Variants in MTERF4 observed in about 807,000 individuals in gnomAD.
MTERF4 encodes the protein mitochondrial transcription termination factor 4.
MTERF4 carries 17 observed loss-of-function variants against 22.5 expected under a neutral mutation model. That is an observed-to-expected ratio of 0.75 (90% CI 0.52 to 1.13). The LOEUF is 1.13. Among genes scored for constraint, MTERF4 ranks in the 50% most tolerant of loss-of-function variants. The pLI is 0.00. For missense variants in MTERF4, 420 were observed against 466.8 expected (o/e 0.90, Z 0.92); for synonymous variants, 165 against 175.3 (o/e 0.94, Z 0.47).
At chr2:241,094,344 C>T, downstream of MTERF4, 1 of 470,720 alleles carries the variant, frequency 2.1e-6, no homozygotes, top group Middle Eastern at 3.7e-4. This position sits in a 1 kb window ranked among gnomAD's most constrained non-coding sequence, Gnocchi z 4.3. Context: ...TCTGACTCAA[C>T]TGTGGCGATG....
chr2:241,048,362 G>A, the MTERF4 span: 1 of 1,611,494 alleles, frequency 6.2e-7, no homozygotes, highest in Admixed American at 1.7e-5. Context: ...TTGCCACAAT[G>A]GGGGCACCTG....
chr2:241,094,771 A>G (rs1470170028), downstream of MTERF4: 4 of 168,046 alleles, frequency 2.4e-5, no homozygotes, highest in Non-Finnish European at 5.2e-5. This position sits in a 1 kb window ranked among gnomAD's most constrained non-coding sequence, Gnocchi z 4.3. Context: ...GAATCCTACA[A>G]TCTACCAGAT....
chr2:241,091,942 T>C (rs935168282), downstream of MTERF4: 1 of 152,318 alleles, frequency 6.6e-6, no homozygotes, highest in African/African-American at 2.4e-5. This position sits in a 1 kb window ranked among gnomAD's most constrained non-coding sequence, Gnocchi z 4.1. Context: ...GCGGATGAGA[T>C]GACAGCTCGC....
At chr2:241,064,171 CCCCGCCCTCTG>C in the MTERF4 span, 11 of 1,311,452 alleles carry the variant, frequency 8.4e-6, no homozygotes, top group East Asian at 2.1e-4. This position sits in a 1 kb window ranked among gnomAD's most constrained non-coding sequence, Gnocchi z 7.0. Flanking sequence ...CCCGCCTGCT[CCCCGCCCTCTG>C]CCCGCCTGCT....
downstream of MTERF4, among the ~76,000 whole-genome samples, chr2:241,086,676 T>G (rs1273043565): frequency 6.6e-6 from 1 of 152,260 alleles, no homozygotes; most frequent in African/African-American, 2.4e-5. Context: ...ATGGAAGTCT[T>G]ACCACAGGTT....
At chr2:241,044,974 A>G in the MTERF4 span, among the ~76,000 whole-genome samples, 11 of 152,222 alleles carry the variant, frequency 7.2e-5, no homozygotes, top group Non-Finnish European at 1.0e-4. Flanking sequence ...GCAACTCCAT[A>G]AAGTTACTTA....
At chr2:241,084,134 A>ATTTT (rs368364855), downstream of MTERF4, among the ~76,000 whole-genome samples, 3,465 of 123,234 alleles carry the variant, frequency 0.028, 223 homozygotes, top group African/African-American at 0.1. Context: ...AGCGTCTAGG[A>ATTTT]TTTTTTTTTT....
At chr2:241,071,517 GCAGGGA>G, downstream of MTERF4, 9 of 1,537,962 alleles carry the variant, frequency 5.9e-6, no homozygotes, top group Non-Finnish European at 6.1e-6. Context: ...TGCCACAGGG[GCAGGGA>G]CAGGAGCAGA....
the MTERF4 span, among the ~76,000 whole-genome samples, chr2:241,056,598 T>TTTTTTTTTTA: frequency 2.0e-5 from 3 of 149,660 alleles, no homozygotes; most frequent in African/African-American, 7.4e-5. Flanking sequence ...TTTTTTTTTT[T>TTTTTTTTTTA]GAGACGGAGT....
rs199847713 is a variant in MTERF4, at chr2:241,096,652, A to G, written c.706-214T>C. On this transcript the variant is annotated intron_variant, in intron 3 of 3. Coordinates refer to ENST00000391980, the MANE Select transcript of MTERF4 (RefSeq NM_182501.4). The surrounding 1 kb of genome is among the most constrained non-coding windows in gnomAD (Gnocchi z 5.1). ...TCCTGAGAAACATGGAGCAGGAAAT[A>G]AAGGGGTGGGAGGGAAAAGGGGCAG... The G allele has an allele frequency of 4.3e-5, 30 of 703,980 alleles. No individual in the cohort carries two copies. The highest frequency in any genetic ancestry group is 7.4e-5 in the Non-Finnish European group (28 of 379,206). 43.6% of individuals were successfully genotyped at this position (703,980 alleles called of 1,614,324 possible). A position where few individuals can be genotyped will look rare whatever the true frequency, so the allele number is the denominator to read the frequency against.
rs373865004 is a variant in MTERF4, at chr2:241,073,289, G to C, written n.2873C>G. The C allele has an allele frequency of 6.4e-7, 1 of 1,564,684 alleles. No homozygotes were observed. The highest frequency in any genetic ancestry group is 8.7e-7 in the Non-Finnish European group (1 of 1,155,902). On this transcript the variant is annotated non_coding_transcript_exon_variant, in exon 5 of 5. Coordinates refer to the MTERF4 transcript ENST00000464344. This position sits in a 1 kb window ranked among gnomAD's most constrained non-coding sequence, Gnocchi z 6.6. ...AGAACCCACAGCCTCGGCGCAGCTC[G>C]AGAACATGGAGGAAGCCCCCAAGCG...
chr2:241,086,821 T>C (rs1458106528), downstream of MTERF4, among the ~76,000 whole-genome samples: 3 of 152,268 alleles, frequency 2.0e-5, no homozygotes, highest in African/African-American at 7.2e-5. Context: ...CATCCATTAT[T>C]ATCTACAAAC....
At chr2:241,065,607 C>G in the MTERF4 span, 13 of 1,607,366 alleles carry the variant, frequency 8.1e-6, no homozygotes, top group Non-Finnish European at 1.1e-5. Context: ...TGAGTGTCCC[C>G]GAGCCTGGCC....
the MTERF4 span, among the ~76,000 whole-genome samples, chr2:241,047,793 G>C: frequency 6.6e-6 from 1 of 150,456 alleles, no homozygotes; most frequent in Non-Finnish European, 1.5e-5. Context: ...TGGTCTCTCT[G>C]GTGTTTCTTG....
downstream of MTERF4, chr2:241,094,470 T>A (rs1312042991): frequency 2.1e-6 from 1 of 465,844 alleles, no homozygotes; most frequent in Non-Finnish European, 4.5e-6. This position sits in a 1 kb window ranked among gnomAD's most constrained non-coding sequence, Gnocchi z 4.3. Context: ...CAGTGCTGAA[T>A]CCCCACAATT....
At chr2:241,069,603 G>A (rs537787107), downstream of MTERF4, among the ~76,000 whole-genome samples, 8 of 152,174 alleles carry the variant, frequency 5.3e-5, no homozygotes, top group Non-Finnish European at 1.2e-4. This position sits in a 1 kb window ranked among gnomAD's most constrained non-coding sequence, Gnocchi z 4.9. Flanking sequence ...GTCTGCACAG[G>A]GCTCCACGCA....
In MTERF4 at chr2:241,073,814, T is replaced by C; in HGVS notation, n.2348A>G. The C allele has an allele frequency of 3.9e-6, 1 of 257,942 alleles. No individual in the cohort carries two copies. The highest frequency in any genetic ancestry group is 7.4e-6 in the Non-Finnish European group (1 of 135,068). The allele number at this position is 257,942 out of a possible 1,614,324, so 16.0% of individuals were successfully genotyped here. On this transcript the variant is annotated non_coding_transcript_exon_variant, in exon 5 of 5. Coordinates refer to the MTERF4 transcript ENST00000464344. The surrounding 1 kb of genome is among the most constrained non-coding windows in gnomAD (Gnocchi z 6.6). ...AGGACTAGCTGGGCCCTGTGGACAC[T>C]CAGGTTATGCAGGACCTGAACTGTC...
the MTERF4 span, chr2:241,048,594 G>C: frequency 6.6e-7 from 1 of 1,513,808 alleles, no homozygotes; most frequent in Non-Finnish European, 9.0e-7. Flanking sequence ...GAGCAGGGCA[G>C]GGTCTGGAGC....
At chr2:241,091,322 G>A (rs1056435671), downstream of MTERF4, among the ~76,000 whole-genome samples, 1 of 152,234 alleles carries the variant, frequency 6.6e-6, no homozygotes, top group Admixed American at 6.5e-5. This position sits in a 1 kb window ranked among gnomAD's most constrained non-coding sequence, Gnocchi z 4.1. Flanking sequence ...GGAGGGCAGG[G>A]AAGAGGAACA....
Sources: allele counts gnomAD v4.1 joint callset (sites outside exome capture counted in the v4.1 genomes callset), GRCh38; gene constraint gnomAD v4.1.1; non-coding constraint Gnocchi (gnomAD v3.1); transcripts MANE v1.5; gene names NCBI Gene and HGNC (gene_info 2026-07-23, HGNC 2026-07-21).